ELF1: variants seen among roughly 807,000 people sequenced by gnomAD.
ELF1 encodes ETS-related transcription factor Elf-1.
In ELF1, 24 loss-of-function variants were observed where a neutral mutation model predicts 59.9. The observed-to-expected ratio is 0.40, with a 90% confidence interval of 0.29 to 0.56. The LOEUF (loss-of-function observed/expected upper bound fraction) is 0.56, where lower values mean the gene tolerates loss of function less well. ELF1 is among the 20% of genes least tolerant of loss of function. ELF1 has a pLI of 0.44. For synonymous variants in ELF1, 248 were observed against 266.2 expected, an observed-to-expected ratio of 0.93 and a Z score of 0.67; for missense variants, 627 against 742.2, an observed-to-expected ratio of 0.84 and a Z score of 1.80.
At chr13:40,955,094 G>A (rs1372304179) in intron 3 of ELF1, among the ~76,000 whole-genome samples, 1 of 150,766 alleles carries the variant, frequency 6.6e-6, no homozygotes, top group South Asian at 2.1e-4. Flanking sequence ...TCTCTGCCCG[G>A]CTGCCCCGTC....
intron 1 of ELF1, among the ~76,000 whole-genome samples, chr13:40,985,332 T>C (rs1873497061): frequency 6.6e-6 from 1 of 152,196 alleles, no homozygotes; most frequent in South Asian, 2.1e-4. Context: ...TTACAATTTT[T>C]TCAGTAACAG....
At position 40,933,820 on chromosome 13, in the gene ELF1, G is replaced by A. The variant is rs749880705; in HGVS notation, c.1465C>T (p.Gln489Ter). ...VLKENVMLQS[Q>*]KAGSPPSIVL... ...ATTGAAGGAGGAGAGCCCGCCTTTT[G>A]TGACTGCAGCATGACATTTTCTTTC... The change falls in exon 9 of 9, where the codon CAA becomes TAA. Residue 489 changes from glutamine to a stop codon, truncating the protein, a stop_gained. Transcript: ENST00000239882. LOFTEE classifies it high-confidence loss of function. 1.2e-6 allele frequency: 2 copies of A among 1,614,136 alleles called. No individual in the cohort carries two copies. The highest frequency in any genetic ancestry group is 2.7e-5 in the African/African-American group (2 of 74,942).
chr13:41,040,475 G>A (rs758068359), intron 1 of ELF1, among the ~76,000 whole-genome samples: 2 of 152,064 alleles, frequency 1.3e-5, no homozygotes, highest in African/African-American at 4.8e-5. Flanking sequence ...CAACCATTTC[G>A]GTACCAGGGA....
At chr13:40,986,937 C>CTTTTTTTTT (rs1555276215) in intron 1 of ELF1, among the ~76,000 whole-genome samples, 1 of 126,880 alleles carries the variant, frequency 7.9e-6, no homozygotes, top group Non-Finnish European at 1.6e-5. Context: ...AATCATTGCT[C>CTTTTTTTTT]TTTTTTTTTT....
intron 1 of ELF1, among the ~76,000 whole-genome samples, chr13:41,000,237 C>CTTTTT (rs55938711): frequency 9.1e-5 from 5 of 54,752 alleles, no homozygotes; most frequent in African/African-American, 3.1e-4. Context: ...TTGAACCTGG[C>CTTTTT]TTTTTTTTTT....
chr13:41,058,732 G>A (rs955907910), intron 1 of ELF1, among the ~76,000 whole-genome samples: 1 of 152,176 alleles, frequency 6.6e-6, no homozygotes, highest in African/African-American at 2.4e-5. Flanking sequence ...TAGCACTTTG[G>A]GAGGCCGAGG....
chr13:41,043,290 A>C (rs1345556329), intron 1 of ELF1, among the ~76,000 whole-genome samples: 15 of 152,100 alleles, frequency 9.9e-5, no homozygotes, highest in Admixed American at 3.3e-4. Flanking sequence ...TTTTGCTGTG[A>C]AGAAGCTCTT....
intron 1 of ELF1, among the ~76,000 whole-genome samples, chr13:41,034,739 AT>A (rs1200336640): frequency 6.6e-6 from 1 of 151,784 alleles, no homozygotes; most frequent in Admixed American, 6.6e-5. Flanking sequence ...CAATTCAAGA[AT>A]AATTTATTTT....
chr13:40,932,835 G>C lies in ELF1; in HGVS notation c.*590C>G, dbSNP rs1593343586. ...CTAGTTAGTGGGAGTGCCATTCTTA[G>C]GCTGATGCTTTTATACTATCCTGCT... On this transcript the variant is annotated 3_prime_UTR_variant, in exon 9 of 9. Coordinates refer to ENST00000239882, the MANE Select transcript of ELF1 (RefSeq NM_172373.4). The C allele has an allele frequency of 6.6e-6, 1 of 152,628 alleles. No individual in the cohort carries two copies. The highest frequency in any genetic ancestry group is 2.1e-4 in the South Asian group (1 of 4,836). 9.5% of individuals were successfully genotyped at this position (152,628 alleles called of 1,614,324 possible).
chr13:40,957,367 C>T (rs902586122), intron 3 of ELF1, among the ~76,000 whole-genome samples: 51 of 134,450 alleles, frequency 3.8e-4, no homozygotes, highest in African/African-American at 1.4e-3. Context: ...CAAAAGGGCA[C>T]AAAAAAGCAA....
At chr13:41,007,514 G>A (rs918825635) in intron 1 of ELF1, among the ~76,000 whole-genome samples, 12 of 152,082 alleles carry the variant, frequency 7.9e-5, no homozygotes, top group African/African-American at 2.9e-4. Flanking sequence ...GCCTACTGGA[G>A]AAGCCAGTAA....
chr13:40,939,658 G>A (rs796851406), intron 8 of ELF1, among the ~76,000 whole-genome samples: 2 of 152,072 alleles, frequency 1.3e-5, no homozygotes, highest in African/African-American at 4.8e-5. Context: ...TCCCAAATCC[G>A]AAAATCTGAA....
intron 1 of ELF1, among the ~76,000 whole-genome samples, chr13:41,052,002 A>T (rs934125451): frequency 1.4e-5 from 2 of 141,974 alleles, no homozygotes; most frequent in African/African-American, 5.4e-5. Flanking sequence ...GTGCAATGGC[A>T]TGATATCGAC....
chr13:40,936,909 G>A (rs906561793), intron 8 of ELF1, among the ~76,000 whole-genome samples: 1 of 152,096 alleles, frequency 6.6e-6, no homozygotes, highest in Non-Finnish European at 1.5e-5. Context: ...GAGTGAGATC[G>A]TGCCACTGCA....
chr13:40,941,411 A>G, intron 7 of ELF1, 41 bp from the exon 8 acceptor site: 3 of 1,489,182 alleles, frequency 2.0e-6, no homozygotes, highest in Non-Finnish European at 2.7e-6. Flanking sequence ...TCAAACATCA[A>G]TTAAAATATT....
intron 1 of ELF1, chr13:41,060,720 A>C (rs373184118): frequency 1.8e-5 from 3 of 163,132 alleles, no homozygotes; most frequent in African/African-American, 4.8e-5. Context: ...TGCAAAAAAA[A>C]AGAAAAATAA....
At chr13:40,935,516 T>C (rs1869703637) in intron 8 of ELF1, among the ~76,000 whole-genome samples, 1 of 151,876 alleles carries the variant, frequency 6.6e-6, no homozygotes, top group Non-Finnish European at 1.5e-5. Flanking sequence ...TCAAAAGAAG[T>C]GGGAATAAAG....
At chr13:40,940,776 C>T (rs1870107658) in intron 8 of ELF1, 145 bp downstream of exon 8, 1 of 846,660 alleles carries the variant, frequency 1.2e-6, no homozygotes, top group Non-Finnish European at 1.8e-6. Context: ...ATAGTAACTG[C>T]TCCTGAAAAA....
At chr13:41,031,677 AG>A (rs2138407841) in intron 1 of ELF1, among the ~76,000 whole-genome samples, 1 of 151,504 alleles carries the variant, frequency 6.6e-6, no homozygotes, top group Non-Finnish European at 1.5e-5. Context: ...AAAATTAGCC[AG>A]GGGTGTTGGT....
Sources: allele counts gnomAD v4.1 joint callset (sites outside exome capture counted in the v4.1 genomes callset), GRCh38; gene constraint gnomAD v4.1.1; transcripts MANE v1.5; gene names NCBI Gene and HGNC (gene_info 2026-07-23, HGNC 2026-07-21).